CENPQ: variants seen among roughly 807,000 people sequenced by gnomAD.
CENPQ encodes the protein chromosome 6 open reading frame 139.
CENPQ carries 27 observed loss-of-function variants against 36.6 expected under a neutral mutation model. That is an observed-to-expected ratio of 0.74 (90% CI 0.54 to 1.02). The LOEUF (loss-of-function observed/expected upper bound fraction) is 1.02, where lower values mean the gene tolerates loss of function less well. Among genes scored for constraint, CENPQ ranks in the 50% least tolerant of loss-of-function variants. The pLI is 0.00. For missense variants in CENPQ, 306 were observed against 301.8 expected, an observed-to-expected ratio of 1.01 and a Z score of -0.10; for synonymous variants, 101 against 101.7, an observed-to-expected ratio of 0.99 and a Z score of 0.04.
intron 3 of CENPQ, among the ~76,000 whole-genome samples, chr6:49,471,662 T>C (rs1447238801): frequency 2.0e-5 from 3 of 152,298 alleles, no homozygotes; most frequent in Middle Eastern, 3.4e-3. Flanking sequence ...ACCAACAGCA[T>C]AGTTGACACT....
chr6:49,488,849 T>C (rs1181886715), intron 8 of CENPQ, among the ~76,000 whole-genome samples, 165 bp downstream of exon 8: 2 of 151,858 alleles, frequency 1.3e-5, no homozygotes, highest in Admixed American at 6.6e-5. Context: ...TGTAGTCTAG[T>C]AAGTGTGAAA....
rs1239511336 is a variant in CENPQ, at chr6:49,488,633, ACT to A, written c.631_632del (p.Leu211SerfsTer36). ...QMHQINSSGV[L>X]SLPELSQKTL... ...TGCATCAAATAAATAGTAGTGGAGTACTCTCTCTTCCGGAACTTTCTCAGAAA... is the reference window on the plus strand; with the variant it reads ...TGCATCAAATAAATAGTAGTGGAGTACTCTCTTCCGGAACTTTCTCAGAAA... On this transcript the variant is annotated frameshift_variant, in exon 8 of 9. Coordinates refer to ENST00000335783, the MANE Select transcript of CENPQ (RefSeq NM_018132.4). LOFTEE classifies it high-confidence loss of function. 4 of 1,613,166 alleles carry A rather than the reference ACT, an allele frequency of 2.5e-6. No homozygotes were observed. In the South Asian group the frequency reaches 4.4e-5, roughly 18 times the overall value.
intron 5 of CENPQ, among the ~76,000 whole-genome samples, chr6:49,474,649 A>T (rs539733843): frequency 7.2e-5 from 11 of 152,340 alleles, no homozygotes; most frequent in African/African-American, 2.4e-4. Context: ...AAGGCAAGAA[A>T]TAACTAAGAT....
chr6:49,481,110 TAG>T, intron 6 of CENPQ, 30 bp downstream of exon 6: 1 of 1,555,052 alleles, frequency 6.4e-7, no homozygotes, highest in Non-Finnish European at 8.7e-7. Flanking sequence ...AATCCATAAT[TAG>T]AGAGTTAGGG....
intron 6 of CENPQ, among the ~76,000 whole-genome samples, chr6:49,481,585 C>T (rs1768430422): frequency 6.6e-6 from 1 of 152,192 alleles, no homozygotes; most frequent in South Asian, 2.1e-4. Flanking sequence ...GAGAGGGTTG[C>T]CACTGCTGGC....
chr6:49,487,881 C>T lies in CENPQ; in HGVS notation c.478-471C>T, dbSNP rs918794582. On this transcript the variant is annotated intron_variant, in intron 6 of 8. Transcript: ENST00000335783. ...AACTGTTACTCTTTTTTTTTATTCT[C>T]CCTGCTCTAATGCCCAACATTACTT... Among the ~76,000 whole-genome samples the T allele has an allele frequency of 3.6e-4, 54 of 151,716 alleles. 1 individual carries two copies. The highest frequency in any genetic ancestry group is 2.1e-4 in the South Asian group (1 of 4,818).
chr6:49,486,264 A>G (rs530185667), intron 6 of CENPQ, among the ~76,000 whole-genome samples: 130 of 152,342 alleles, frequency 8.5e-4, no homozygotes, highest in Non-Finnish European at 6.8e-4. Flanking sequence ...GGCCCTGCCA[A>G]CACCTTGATT....
At chr6:49,479,214 T>G (rs1402032745) in intron 5 of CENPQ, among the ~76,000 whole-genome samples, 1 of 152,108 alleles carries the variant, frequency 6.6e-6, no homozygotes, top group African/African-American at 2.4e-5. Context: ...AATTAAAATT[T>G]TATTTGCAAA....
rs745459104 is a variant in CENPQ at position 49,488,447 on chromosome 6, A to G, written c.573A>G (p.Glu191=). ...NKIQILASEV[E]EEEERVKQMH... ...TTCAGATTCTGGCAAGTGAGGTGGA[A>G]GAAGAAGAGGAGAGAGTAAAACAGG... is the stretch of plus-strand genomic sequence containing the variant. Residue 191 remains glutamate, a synonymous_variant, in exon 7 of 9, where the codon GAA becomes GAG. Coordinates refer to ENST00000335783, the MANE Select transcript of CENPQ (RefSeq NM_018132.4). The G allele has an allele frequency of 1.9e-6, 3 of 1,612,752 alleles. No homozygotes were observed. In the Admixed American group the frequency reaches 5.0e-5, roughly 27 times the overall value.
intron 5 of CENPQ, among the ~76,000 whole-genome samples, chr6:49,474,156 C>T (rs1768215935): frequency 6.6e-6 from 1 of 152,152 alleles, no homozygotes; most frequent in Admixed American, 6.5e-5. Flanking sequence ...CTCAGCTCTG[C>T]ACCAAGCAGA....
intron 6 of CENPQ, among the ~76,000 whole-genome samples, chr6:49,487,683 TGAAA>T (rs1768623791): frequency 6.6e-6 from 1 of 152,162 alleles, no homozygotes. Context: ...GGACCATATT[TGAAA>T]GCAGTGCCAT....
rs1233410114 is a variant in CENPQ, at chr6:49,492,241, T to C, written c.773T>C (p.Ile258Thr). Residue 258 changes from isoleucine to threonine, a missense_variant, in exon 9 of 9, where the codon ATT becomes ACT. Ile to Thr is a moderately conservative substitution (Grantham distance 89, BLOSUM62 -1). Transcript: ENST00000335783. ...SSQMKSMSTF[I>T]EEAYKKLDAS is the part of the protein sequence containing the mutation. ...CAGATGAAGAGCATGTCAACCTTCA[T>C]TGAAGAAGCCTATAAGAAACTGGAT... is the stretch of plus-strand genomic sequence containing the variant. 7 of 1,606,676 alleles carry C rather than the reference T, an allele frequency of 4.4e-6. No homozygotes were observed. The highest frequency in any genetic ancestry group is 1.7e-5 in the Admixed American group (1 of 59,316).
chr6:49,476,482 A>C (rs1041453571), intron 5 of CENPQ, among the ~76,000 whole-genome samples: 79 of 152,268 alleles, frequency 5.2e-4, no homozygotes, highest in African/African-American at 1.9e-3. Context: ...AGAAGAAAAC[A>C]TAGGCAATAC....
At chr6:49,481,955 T>C (rs1211915219) in intron 6 of CENPQ, among the ~76,000 whole-genome samples, 3 of 152,184 alleles carry the variant, frequency 2.0e-5, no homozygotes, top group Admixed American at 1.3e-4. Flanking sequence ...CTGCAGGTCC[T>C]GAGCCCTGCC....
intron 6 of CENPQ, among the ~76,000 whole-genome samples, chr6:49,483,244 G>C (rs983226727): frequency 6.6e-6 from 1 of 152,166 alleles, no homozygotes; most frequent in African/African-American, 2.4e-5. Flanking sequence ...GCTGATTGGT[G>C]TGTTTACAAA....
intron 3 of CENPQ, among the ~76,000 whole-genome samples, chr6:49,471,306 C>G (rs1427382528): frequency 6.6e-6 from 1 of 152,194 alleles, no homozygotes; most frequent in Non-Finnish European, 1.5e-5. Flanking sequence ...TATTAGTGAT[C>G]TGTGATATAA....
chr6:49,476,328 A>T (rs1768290891), intron 5 of CENPQ, among the ~76,000 whole-genome samples: 1 of 152,210 alleles, frequency 6.6e-6, no homozygotes, highest in African/African-American at 2.4e-5. Context: ...TGGGGAAAGG[A>T]TTCCTATTTA....
At chr6:49,468,652 C>A (rs543323457) in intron 1 of CENPQ, among the ~76,000 whole-genome samples, 2 of 152,162 alleles carry the variant, frequency 1.3e-5, no homozygotes, top group Non-Finnish European at 2.9e-5. Context: ...CTCTTCATGT[C>A]TAAGCCAGTA....
intron 4 of CENPQ, 98 bp from the exon 5 acceptor site, chr6:49,472,691 TG>T (rs1316098140): frequency 2.1e-6 from 2 of 936,382 alleles, no homozygotes; most frequent in Non-Finnish European, 2.8e-6. Flanking sequence ...GCCTGGCTAG[TG>T]GGGAGGGGTA....
Sources: gnomAD v4.1 joint callset for allele counts (sites outside exome capture counted in the v4.1 genomes callset) on GRCh38, gnomAD v4.1.1 for gene constraint, MANE v1.5 for transcripts, NCBI Gene and HGNC (gene_info 2026-07-23, HGNC 2026-07-21) for gene names.